SAMD12: variants seen among roughly 807,000 people sequenced by gnomAD.
SAMD12 encodes the protein sterile alpha motif domain-containing protein 12.
Under a neutral mutation model 15.0 loss-of-function variants are expected in SAMD12, and 9 were observed. That is an observed-to-expected ratio of 0.60 (90% CI 0.36 to 1.05). The LOEUF is 1.05. Ranked by LOEUF, SAMD12 falls within the 50% of genes least tolerant of loss-of-function variation. The pLI is 0.01. For missense variants in SAMD12, 230 were observed against 234.2 expected, an observed-to-expected ratio of 0.98 and a Z score of 0.12; for synonymous variants, 86 against 90.1, an observed-to-expected ratio of 0.96 and a Z score of 0.25.
chr8:118,194,558 C>G (rs1225681732), exon 5 of SAMD12: 1 of 152,154 alleles, frequency 6.6e-6, no homozygotes, highest in Non-Finnish European at 1.5e-5. Context: ...AGTGCCTTTC[C>G]TGCACAAGTC....
At chr8:118,346,717 G>A (rs527616357) in intron 4 of SAMD12, among the ~76,000 whole-genome samples, 1 of 152,280 alleles carries the variant, frequency 6.6e-6, no homozygotes, top group African/African-American at 2.4e-5. Context: ...TATAGCAAAA[G>A]GATACAAAGC....
intron 2 of SAMD12, among the ~76,000 whole-genome samples, chr8:118,456,803 C>A (rs551403468): frequency 2.6e-5 from 4 of 152,276 alleles, no homozygotes; most frequent in South Asian, 2.1e-4. Flanking sequence ...ACAAAAGAAG[C>A]CTTTCTGTCA....
intron 4 of SAMD12, among the ~76,000 whole-genome samples, chr8:118,276,921 C>A (rs1813488685): frequency 6.6e-6 from 1 of 152,170 alleles, no homozygotes; most frequent in Non-Finnish European, 1.5e-5. Flanking sequence ...GATCCACCCA[C>A]CTCGGCCTCC....
At chr8:118,241,886 A>T (rs906061938) in intron 4 of SAMD12, among the ~76,000 whole-genome samples, 2 of 152,170 alleles carry the variant, frequency 1.3e-5, no homozygotes, top group Non-Finnish European at 2.9e-5. Context: ...AAACAAAACA[A>T]TGATATTTGA....
chr8:118,150,479 T>G, the SAMD12 span, among the ~76,000 whole-genome samples: 1 of 152,138 alleles, frequency 6.6e-6, no homozygotes, highest in Non-Finnish European at 1.5e-5. Flanking sequence ...CTCCTGGGCT[T>G]AAATGATCCT....
intron 4 of SAMD12, among the ~76,000 whole-genome samples, chr8:118,269,210 CTCTCTCTCTCTGTGTGTGTG>C (rs1250439872): frequency 8.5e-6 from 1 of 117,558 alleles, no homozygotes; most frequent in Non-Finnish European, 1.7e-5. Context: ...CTCTCTCTCT[CTCTCTCTCTCTGTGTGTGTG>C]TGTGTGTGTG....
At chr8:118,311,846 T>G (rs1311521084) in intron 4 of SAMD12, among the ~76,000 whole-genome samples, 1 of 152,230 alleles carries the variant, frequency 6.6e-6, no homozygotes, top group Non-Finnish European at 1.5e-5. Flanking sequence ...AGGCTTTTTC[T>G]CTAATTAATT....
At position 118,284,140 on chromosome 8, in the gene SAMD12, C is replaced by T. The variant is rs141169255; in HGVS notation, c.434-86408G>A. On this transcript the variant is annotated intron_variant, in intron 4 of 4. Coordinates refer to the SAMD12 transcript ENST00000409003. ...TAAATAATGCCCTTCCATGTATATT[C>T]TTTTGGATCCATTATGATAACCCCG... 800 of 378,682 alleles carry T rather than the reference C, an allele frequency of 2.1e-3. 4 individuals are homozygous for T. The highest frequency in any genetic ancestry group is 0.015 in the African/African-American group (727 of 47,266). The allele number at this position is 378,682 out of a possible 1,614,324, so 23.5% of individuals were successfully genotyped here.
chr8:118,371,730 CAG>C lies in SAMD12; in HGVS notation c.433+7828_433+7829del, dbSNP rs563260706. On this transcript the variant is annotated intron_variant, in intron 4 of 4. Coordinates refer to the SAMD12 transcript ENST00000409003. ...AGAGAAAAATAAGAATCTGTAGTTT[CAG>C]AGAGGTCTAAAACGTAAATCTGAGA... Among the ~76,000 whole-genome samples the C allele has an allele frequency of 1.9e-3, 287 of 152,218 alleles. 2 individuals carry two copies. Among genetic ancestry groups the C allele is most frequent in the South Asian group, 9.1e-3 (44 of 4,818 alleles).
intron 4 of SAMD12, among the ~76,000 whole-genome samples, chr8:118,231,418 T>C (rs1377442283): frequency 6.6e-6 from 1 of 152,192 alleles, no homozygotes; most frequent in Non-Finnish European, 1.5e-5. Flanking sequence ...ATTCATTCAT[T>C]CGACCCATAT....
chr8:118,139,506 G>A, the SAMD12 span, among the ~76,000 whole-genome samples: 1 of 152,088 alleles, frequency 6.6e-6, no homozygotes. Context: ...CTACAGATAT[G>A]TGCCACAGTG....
At chr8:118,621,750 C>A in intron 1 of SAMD12, 54 bp downstream of exon 1, 2 of 1,603,094 alleles carry the variant, frequency 1.2e-6, no homozygotes, top group Non-Finnish European at 1.7e-6. Flanking sequence ...GGGATGTGTG[C>A]CTTGGGGTGC....
chr8:118,217,317 C>A lies in SAMD12; in HGVS notation c.434-19585G>T, dbSNP rs190074831. On this transcript the variant is annotated intron_variant, in intron 4 of 4. Coordinates refer to the SAMD12 transcript ENST00000409003. Reference sequence around the variant, plus strand: ...GCGCCCGGGCCTGGTCTCTAACTTTCTACTTTCTGCTCCCATCTATTCAAA... The same window carrying A: ...GCGCCCGGGCCTGGTCTCTAACTTTATACTTTCTGCTCCCATCTATTCAAA... 2.9e-3 allele frequency among the ~76,000 whole-genome samples: 437 copies of A among 152,270 alleles called. 4 individuals carry two copies. The highest frequency in any genetic ancestry group is 9.8e-3 in the African/African-American group (409 of 41,568).
the SAMD12 span, among the ~76,000 whole-genome samples, chr8:118,147,314 C>T: frequency 2.6e-5 from 4 of 151,534 alleles, no homozygotes; most frequent in African/African-American, 4.9e-5. Flanking sequence ...CGTGAGCCAC[C>T]ACACCCAGCC....
At chr8:118,457,413 T>A (rs1025566848) in intron 2 of SAMD12, among the ~76,000 whole-genome samples, 4 of 151,762 alleles carry the variant, frequency 2.6e-5, no homozygotes, top group Admixed American at 2.6e-4. Flanking sequence ...TTTTTTTAAA[T>A]AGAGACAGGG....
At chr8:118,237,591 A>C (rs1454465234) in intron 4 of SAMD12, among the ~76,000 whole-genome samples, 1 of 152,074 alleles carries the variant, frequency 6.6e-6, no homozygotes, top group African/African-American at 2.4e-5. Flanking sequence ...GTTATATCAC[A>C]ATGCCACCCA....
chr8:118,393,445 C>T (rs1247356604), intron 3 of SAMD12, among the ~76,000 whole-genome samples: 1 of 151,770 alleles, frequency 6.6e-6, no homozygotes, highest in African/African-American at 2.4e-5. Context: ...TCTCCTTATG[C>T]TGCCCGGACT....
At chr8:118,433,791 A>T (rs1822493383) in intron 3 of SAMD12, among the ~76,000 whole-genome samples, 1 of 152,258 alleles carries the variant, frequency 6.6e-6, no homozygotes, top group Non-Finnish European at 1.5e-5. Context: ...AGGAAAGTAG[A>T]TCACAATATC....
chr8:118,418,864 C>T (rs1387090652), intron 3 of SAMD12, among the ~76,000 whole-genome samples: 1 of 152,040 alleles, frequency 6.6e-6, no homozygotes, highest in African/African-American at 2.4e-5. Context: ...TATGTTTTTC[C>T]ATTGTTTCTA....
Sources: allele counts gnomAD v4.1 joint callset (sites outside exome capture counted in the v4.1 genomes callset), GRCh38; gene constraint gnomAD v4.1.1; transcripts MANE v1.5; gene names NCBI Gene and HGNC (gene_info 2026-07-23, HGNC 2026-07-21).